RNF175: variants seen among roughly 807,000 people sequenced by gnomAD.
RNF175 encodes the protein ring finger protein 175.
Under a neutral mutation model 50.0 loss-of-function variants are expected in RNF175, and 38 were observed. The observed-to-expected ratio is 0.76, with a 90% CI of 0.59 to 1.00. The LOEUF is 1.00. Among genes scored for constraint, RNF175 ranks in the 50% least tolerant of loss-of-function variants. RNF175 has a pLI of 0.00. For missense variants in RNF175, 388 were observed against 409.6 expected (o/e 0.95, Z 0.46); for synonymous variants, 155 against 146.1 (o/e 1.06, Z -0.44).
chr4:153,721,769 G>A lies in RNF175; in HGVS notation c.510-1465C>T, dbSNP rs538571746. ...AGGTAATAATCTGGGAACAGCTATC[G>A]TTCCCAGTGATTTCAAAAAAATCCT... is the stretch of plus-strand genomic sequence containing the variant. On this transcript the variant is annotated intron_variant, in intron 5 of 8. Coordinates refer to ENST00000347063, the MANE Select transcript of RNF175 (RefSeq NM_173662.4). Among the ~76,000 whole-genome samples the A allele has an allele frequency of 9.3e-4, 141 of 152,190 alleles. 3 individuals are homozygous for A. The Middle Eastern group carries it at 0.014, about 15-fold the overall frequency.
intron 3 of RNF175, among the ~76,000 whole-genome samples, chr4:153,740,751 G>T (rs1168121981): frequency 6.6e-6 from 1 of 152,146 alleles, no homozygotes; most frequent in Non-Finnish European, 1.5e-5. Context: ...TGTCTCTTCA[G>T]ACTGTGTTTT....
chr4:153,746,295 C>A (rs72731674), intron 3 of RNF175, among the ~76,000 whole-genome samples: 26,844 of 152,232 alleles, frequency 0.18, 3,069 homozygotes, highest in Non-Finnish European at 0.25. Context: ...CTTGAGGATA[C>A]TCTTCTTTGA....
intron 2 of RNF175, among the ~76,000 whole-genome samples, 166 bp downstream of exon 2, chr4:153,751,272 C>G (rs1740276732): frequency 6.6e-6 from 1 of 152,180 alleles, no homozygotes; most frequent in South Asian, 2.1e-4. Context: ...CTGTAGAAAA[C>G]AGATGAAATC....
At chr4:153,718,305 G>A (rs1411409429) in intron 6 of RNF175, among the ~76,000 whole-genome samples, 2 of 145,040 alleles carry the variant, frequency 1.4e-5, no homozygotes, top group Admixed American at 1.4e-4. Context: ...TTGCTTTGGT[G>A]TGGGGCTTAG....
intron 3 of RNF175, among the ~76,000 whole-genome samples, chr4:153,737,544 G>A (rs1739415743): frequency 6.6e-6 from 1 of 151,862 alleles, no homozygotes; most frequent in Non-Finnish European, 1.5e-5. Context: ...AAATTTCTCT[G>A]GAGTTTCTTC....
intron 7 of RNF175, chr4:153,715,151 C>A: frequency 3.0e-6 from 1 of 330,678 alleles, no homozygotes; most frequent in Non-Finnish European, 6.0e-6. Context: ...GTCTTAAGTT[C>A]CCCCCTGCAC....
chr4:153,758,958 T>C (rs1218450314), intron 1 of RNF175, among the ~76,000 whole-genome samples: 1 of 152,184 alleles, frequency 6.6e-6, no homozygotes, highest in Admixed American at 6.5e-5. Flanking sequence ...GTTCTTTGCC[T>C]GAACCTATTT....
intron 3 of RNF175, among the ~76,000 whole-genome samples, chr4:153,733,627 T>A (rs187754435): frequency 6.5e-4 from 99 of 152,310 alleles, no homozygotes; most frequent in Middle Eastern, 6.8e-3. Flanking sequence ...ACTTTTCCCC[T>A]CTCTACCCTT....
At chr4:153,744,702 T>G (rs1739876026) in intron 3 of RNF175, among the ~76,000 whole-genome samples, 1 of 152,260 alleles carries the variant, frequency 6.6e-6, no homozygotes, top group Non-Finnish European at 1.5e-5. Flanking sequence ...TACTTTCATT[T>G]TGCAGATAAG....
chr4:153,718,226 G>GT (rs1325216298), intron 6 of RNF175, among the ~76,000 whole-genome samples: 3,222 of 30,414 alleles, frequency 0.11, 217 homozygotes, highest in East Asian at 0.22. Context: ...TTGTTTGTTT[G>GT]TTTGTTTGTT....
chr4:153,718,774 T>C (rs1376616207), intron 6 of RNF175, among the ~76,000 whole-genome samples: 1 of 152,102 alleles, frequency 6.6e-6, no homozygotes, highest in Non-Finnish European at 1.5e-5. Context: ...GTACCAGCAT[T>C]TCACCACAGA....
chr4:153,717,025 GGGA>G (rs2127093852), intron 6 of RNF175, among the ~76,000 whole-genome samples: 1 of 152,280 alleles, frequency 6.6e-6, no homozygotes, highest in African/African-American at 2.4e-5. Context: ...ACCTCGTTAA[GGGA>G]GGAGAATTTA....
At chr4:153,722,119 G>C (rs1003923448) in intron 5 of RNF175, among the ~76,000 whole-genome samples, 7 of 152,160 alleles carry the variant, frequency 4.6e-5, no homozygotes, top group Admixed American at 1.3e-4. Context: ...GAGTAACTTT[G>C]ATGTGAGAGC....
chr4:153,724,846 G>A (rs1738576875), intron 4 of RNF175, among the ~76,000 whole-genome samples: 1 of 151,870 alleles, frequency 6.6e-6, no homozygotes, highest in African/African-American at 2.4e-5. Context: ...AGGGCTGTCT[G>A]TGCTGCCACC....
intron 6 of RNF175, 125 bp downstream of exon 6, chr4:153,720,059 A>G: frequency 1.0e-6 from 1 of 978,876 alleles, no homozygotes. Flanking sequence ...AAAGAGTTCC[A>G]AAGGAAACAA....
chr4:153,735,834 T>C (rs1739325837), intron 3 of RNF175, among the ~76,000 whole-genome samples: 1 of 152,260 alleles, frequency 6.6e-6, no homozygotes, highest in South Asian at 2.1e-4. Context: ...TTTGTATATT[T>C]ACTTTGTATC....
At chr4:153,742,092 T>C (rs1482986733) in intron 3 of RNF175, among the ~76,000 whole-genome samples, 1 of 151,886 alleles carries the variant, frequency 6.6e-6, no homozygotes, top group East Asian at 1.9e-4. Flanking sequence ...CTGGCCAACA[T>C]AGTGAAACCC....
chr4:153,734,724 G>T (rs1739256050), intron 3 of RNF175, among the ~76,000 whole-genome samples: 1 of 133,008 alleles, frequency 7.5e-6, no homozygotes, highest in Admixed American at 8.5e-5. Context: ...CGCCCAGGCT[G>T]GAGCGCAGTG....
chr4:153,739,491 T>G (rs905132731), intron 3 of RNF175, among the ~76,000 whole-genome samples: 1 of 152,238 alleles, frequency 6.6e-6, no homozygotes, highest in Non-Finnish European at 1.5e-5. Flanking sequence ...ACATTCTTTC[T>G]TTCTTTATGT....
Sources: allele counts gnomAD v4.1 joint callset (sites outside exome capture counted in the v4.1 genomes callset), GRCh38; gene constraint gnomAD v4.1.1; transcripts MANE v1.5; gene names NCBI Gene and HGNC (gene_info 2026-07-23, HGNC 2026-07-21).